TRAF3IP3: variants seen among roughly 807,000 people sequenced by gnomAD.
The protein encoded by TRAF3IP3 is TRAF3-interacting JNK-activating modulator.
TRAF3IP3 carries 64 observed loss-of-function variants against 86.5 expected under a neutral mutation model. The observed-to-expected ratio is 0.74, with a 90% CI of 0.60 to 0.91. The LOEUF (loss-of-function observed/expected upper bound fraction) is 0.91, where lower values mean the gene tolerates loss of function less well. Ranked by LOEUF, TRAF3IP3 falls within the 40% of genes least tolerant of loss-of-function variation. The pLI, the probability that TRAF3IP3 is intolerant of heterozygous loss-of-function variation, is 0.00. For missense variants in TRAF3IP3, 579 were observed against 642.9 expected (o/e 0.90, Z 1.07); for synonymous variants, 220 against 243.9 (o/e 0.90, Z 0.91).
chr1:209,757,191 A>G (rs2077169022), intron 1 of TRAF3IP3, among the ~76,000 whole-genome samples: 1 of 152,260 alleles, frequency 6.6e-6, no homozygotes, highest in South Asian at 2.1e-4. Context: ...TTTCCACTGC[A>G]GCTCCTTTCT....
chr1:209,763,570 T>G lies in TRAF3IP3; in HGVS notation c.685T>G (p.Ser229Ala). 1 of 1,613,954 alleles carries G rather than the reference T, an allele frequency of 6.2e-7. No individual in the cohort carries two copies. The highest frequency in any genetic ancestry group is 8.5e-7 in the Non-Finnish European group (1 of 1,179,814). The part of the protein sequence containing the change: ...QDLLSTLIQA[S>A]DSSWKGQLNE... ...CCTACTGTCCACTCTGATTCAGGCC[T>G]CTGACAGCTCTTGGAAGGTAAGGGA... Residue 229 changes from serine (S) to alanine (A), a missense_variant, in exon 8 of 17, where the codon TCT becomes GCT. By Grantham distance (99) the Ser-to-Ala change is moderately conservative. Coordinates refer to ENST00000367025, the MANE Select transcript of TRAF3IP3 (RefSeq NM_025228.4).
At chr1:209,777,692 AGAGT>A (rs1291173402) in intron 12 of TRAF3IP3, 1 of 561,906 alleles carries the variant, frequency 1.8e-6, no homozygotes, top group African/African-American at 1.9e-5. Flanking sequence ...TGTAGTAGAT[AGAGT>A]ATCTTGTTGT....
At chr1:209,769,964 TG>T (rs1204022119) in intron 8 of TRAF3IP3, among the ~76,000 whole-genome samples, 4 of 152,116 alleles carry the variant, frequency 2.6e-5, no homozygotes, top group Non-Finnish European at 5.9e-5. Flanking sequence ...AACTCCAGGC[TG>T]GAAGAACAAA....
At chr1:209,770,935 GGTGGAGGTGTGCGTGTGCAT>G (rs2077481984) in intron 8 of TRAF3IP3, among the ~76,000 whole-genome samples, 1 of 121,134 alleles carries the variant, frequency 8.3e-6, no homozygotes, top group African/African-American at 3.2e-5. Context: ...TGCGTGTGCA[GGTGGAGGTGTGCGTGTGCAT>G]GTGGAGGGGT....
rs1486830242 is a variant in TRAF3IP3 at position 209,760,117 on chromosome 1, G to A, written c.78G>A (p.Arg26=). 5 of 1,614,158 alleles carry A rather than the reference G, an allele frequency of 3.1e-6. No homozygotes were observed. In the South Asian group the frequency reaches 5.5e-5, roughly 18 times the overall value. ...GCTATGAGGCCAAGTGTGAGCGCAGGCAAGAGATCCGTGAAAGCCGCCGCT... is the reference window on the plus strand; with the variant it reads ...GCTATGAGGCCAAGTGTGAGCGCAGACAAGAGATCCGTGAAAGCCGCCGCT... The part of the protein sequence containing the change: ...AESYEAKCER[R]QEIRESRRCR... The change falls in exon 3 of 17, where the codon AGG becomes AGA. Residue 26 remains arginine (R), a synonymous_variant. Transcript: ENST00000367025.
chr1:209,761,075 G>C (rs2077236871), intron 3 of TRAF3IP3, among the ~76,000 whole-genome samples: 1 of 152,184 alleles, frequency 6.6e-6, no homozygotes, highest in South Asian at 2.1e-4. Flanking sequence ...TTTACTGAAA[G>C]CTTATTATAT....
chr1:209,770,518 T>C (rs1231615491), intron 8 of TRAF3IP3, among the ~76,000 whole-genome samples: 1 of 148,638 alleles, frequency 6.7e-6, no homozygotes, highest in Non-Finnish European at 1.5e-5. Flanking sequence ...AGTATGTGTG[T>C]GCAGGTGGAA....
intron 8 of TRAF3IP3, among the ~76,000 whole-genome samples, chr1:209,770,451 A>ATGTGGAGGTG (rs2077446924): frequency 2.5e-5 from 1 of 39,428 alleles, no homozygotes; most frequent in African/African-American, 1.1e-4. Flanking sequence ...AGGTGGAGGT[A>ATGTGGAGGTG]TGTGTGTGCA....
At chr1:209,759,902 G>A in intron 2 of TRAF3IP3, 80 bp from the exon 3 acceptor site, 1 of 676,358 alleles carries the variant, frequency 1.5e-6, no homozygotes, top group Non-Finnish European at 2.6e-6. Flanking sequence ...TGCTATTTCT[G>A]CCCCCTGGTC....
intron 8 of TRAF3IP3, among the ~76,000 whole-genome samples, chr1:209,766,045 ACCGG>A (rs1463295132): frequency 6.6e-6 from 1 of 152,182 alleles, no homozygotes; most frequent in Non-Finnish European, 1.5e-5. Flanking sequence ...ACACAACCTC[ACCGG>A]CCTGTGTGAC....
chr1:209,770,469 GT>G (rs2077448386), intron 8 of TRAF3IP3, among the ~76,000 whole-genome samples: 1 of 94,338 alleles, frequency 1.1e-5, no homozygotes, highest in Admixed American at 9.9e-5. Flanking sequence ...GCATGTGGAG[GT>G]GTGTGTGTGC....
intron 1 of TRAF3IP3, chr1:209,758,411 C>T (rs1377710936): frequency 2.0e-5 from 3 of 152,178 alleles, no homozygotes; most frequent in Admixed American, 6.5e-5. Flanking sequence ...GGCTTGACCA[C>T]ACAAAACTCC....
chr1:209,767,491 A>T (rs557137643), intron 8 of TRAF3IP3, among the ~76,000 whole-genome samples: 92 of 152,230 alleles, frequency 6.0e-4, no homozygotes, highest in African/African-American at 2.2e-3. Flanking sequence ...AGTGATCAAG[A>T]CCAGCCTGGG....
chr1:209,775,322 A>G, intron 9 of TRAF3IP3, 27 bp from the exon 10 acceptor site: 2 of 1,591,356 alleles, frequency 1.3e-6, no homozygotes, highest in South Asian at 1.1e-5. Flanking sequence ...CTCAATGTGT[A>G]TTTGTTGAAT....
At chr1:209,778,716 G>A (rs965980764) in intron 13 of TRAF3IP3, 2 of 154,510 alleles carry the variant, frequency 1.3e-5, no homozygotes, top group Non-Finnish European at 2.9e-5. Context: ...CATGAAAGCA[G>A]CAATGATTAT....
chr1:209,762,579 ATC>A lies in TRAF3IP3; in HGVS notation c.412_413del (p.Leu138ValfsTer2), dbSNP rs747301041. 14 of 1,503,856 alleles carry A rather than the reference ATC, an allele frequency of 9.3e-6. 1 individual carries two copies. The highest frequency in any genetic ancestry group is 8.9e-7 in the Non-Finnish European group (1 of 1,128,780). 93.2% of individuals were successfully genotyped at this position (1,503,856 alleles called of 1,614,324 possible). A position where few individuals can be genotyped will look rare whatever the true frequency, so the allele number is the denominator to read the frequency against. On this transcript the variant is annotated frameshift_variant, in exon 4 of 17. Coordinates refer to ENST00000367025, the MANE Select transcript of TRAF3IP3 (RefSeq NM_025228.4). LOFTEE classifies it high-confidence loss of function. ...CCTCCTCCCTCAGGCATCTGCAGGG[ATC>A]TGTCTGACCACCTCTCCTCACAGGC...
intron 8 of TRAF3IP3, among the ~76,000 whole-genome samples, chr1:209,766,800 G>A (rs1300461721): frequency 1.3e-5 from 2 of 152,220 alleles, no homozygotes; most frequent in African/African-American, 2.4e-5. Context: ...GGAGGTGGAG[G>A]TTGCAGTGAG....
chr1:209,780,643 C>T (rs752004329), intron 15 of TRAF3IP3, 37 bp downstream of exon 15: 35 of 1,472,734 alleles, frequency 2.4e-5, no homozygotes, highest in Middle Eastern at 1.9e-4. Context: ...GGCTCATTTG[C>T]GAAATAGCAG....
chr1:209,780,357 A>G lies in TRAF3IP3; in HGVS notation c.1313-113A>G, dbSNP rs2077749069. The G allele has an allele frequency of 2.9e-6, 3 of 1,022,158 alleles. No homozygotes were observed. The South Asian group carries it at 7.9e-5, about 27-fold the overall frequency. The allele number at this position is 1,022,158 out of a possible 1,614,324, so 63.3% of individuals were successfully genotyped here. A position where few individuals can be genotyped will look rare whatever the true frequency, so the allele number is the denominator to read the frequency against. The stretch of plus-strand genomic sequence containing the variant: ...AGAGAATGCCATCAGTCTAGCCAAG[A>G]GCACGCCCTCCCAAGTTCCCTCCCC... On this transcript the variant is annotated intron_variant, in intron 14 of 16. Transcript: ENST00000367025.
Sources: allele counts gnomAD v4.1 joint callset (sites outside exome capture counted in the v4.1 genomes callset), GRCh38; gene constraint gnomAD v4.1.1; transcripts MANE v1.5; gene names NCBI Gene and HGNC (gene_info 2026-07-23, HGNC 2026-07-21).